OSBPL5: variants seen among roughly 807,000 people sequenced by gnomAD.
OSBPL5 encodes oxysterol binding protein like 5.
Under a neutral mutation model 111.2 loss-of-function variants are expected in OSBPL5, and 71 were observed. The ratio of observed to expected loss-of-function variants is 0.64; its 90% confidence interval spans 0.53 to 0.78. The LOEUF is 0.78. OSBPL5 is among the 30% of genes least tolerant of loss of function. The pLI is 0.00. For missense variants in OSBPL5, 1,210 were observed against 1,189.3 expected, an observed-to-expected ratio of 1.02 and a Z score of -0.26; for synonymous variants, 549 against 513.9, an observed-to-expected ratio of 1.07 and a Z score of -0.93.
chr11:3,094,968 C>T (rs1231526761), intron 14 of OSBPL5: 1 of 152,146 alleles, frequency 6.6e-6, no homozygotes, highest in Non-Finnish European at 1.5e-5. Flanking sequence ...CCACCACCTC[C>T]ACCATCAAAA....
chr11:3,143,230 C>CA (rs879159430), intron 1 of OSBPL5, among the ~76,000 whole-genome samples: 1 of 28,688 alleles, frequency 3.5e-5, no homozygotes, highest in Non-Finnish European at 7.0e-5. Flanking sequence ...GAGGCAGGTG[C>CA]GGGGGGGGCA....
chr11:3,143,960 C>T (rs1409706465), intron 1 of OSBPL5, among the ~76,000 whole-genome samples: 2 of 152,170 alleles, frequency 1.3e-5, no homozygotes, highest in Admixed American at 6.5e-5. Context: ...ATGGGGTGGA[C>T]ACTGGGTTTG....
At position 3,115,856 on chromosome 11, in the gene OSBPL5, A is replaced by G. The variant is rs547872463; in HGVS notation, c.691+3691T>C. Among the ~76,000 whole-genome samples the G allele has an allele frequency of 2.0e-5, 3 of 148,336 alleles. No individual in the cohort carries two copies. The South Asian group carries it at 6.4e-4, about 32-fold the overall frequency. ...TGGAAAACTAAGTCTCCTGTCTCAA[A>G]GAATGAAGGCTTTTGCCTTTTTTTT... On this transcript the variant is annotated intron_variant, in intron 7 of 21. Coordinates refer to ENST00000263650, the MANE Select transcript of OSBPL5 (RefSeq NM_020896.4).
In OSBPL5 at chr11:3,161,970, G is replaced by C. The variant is rs928021891; in HGVS notation, c.-22+3246C>G. ...GCCAGACCCCTGTGAGCAAGGAGGG[G>C]AGAGGGAGGGGAGGGGAGGGGGAGA... On this transcript the variant is annotated intron_variant, in intron 1 of 21. Coordinates refer to ENST00000263650, the MANE Select transcript of OSBPL5 (RefSeq NM_020896.4). The surrounding 1 kb of genome is among the most constrained non-coding windows in gnomAD (Gnocchi z 8.0). Among the ~76,000 whole-genome samples the C allele has an allele frequency of 6.6e-6, 1 of 151,662 alleles. No individual in the cohort carries two copies. The highest frequency in any genetic ancestry group is 2.4e-5 in the African/African-American group (1 of 41,314).
chr11:3,144,478 C>G (rs1564858697), intron 1 of OSBPL5, among the ~76,000 whole-genome samples: 1 of 152,212 alleles, frequency 6.6e-6, no homozygotes, highest in South Asian at 2.1e-4. Context: ...TCACAGCCAG[C>G]AGCAAACCCG....
chr11:3,094,403 C>T lies in OSBPL5; in HGVS notation c.1622-69G>A, dbSNP rs114165059. ...CTGAGCCCCAGGCCCTGCTGAGTAC[C>T]GACCCAGCAGCACCGATCCCTGAGT... is the stretch of plus-strand genomic sequence containing the variant. On this transcript the variant is annotated intron_variant, in intron 14 of 21. Coordinates refer to ENST00000263650, the MANE Select transcript of OSBPL5 (RefSeq NM_020896.4). The T allele has an allele frequency of 1.0e-3, 1,293 of 1,266,384 alleles. 11 individuals are homozygous for T. In the African/African-American group the frequency reaches 0.019, roughly 18 times the overall value. The allele number at this position is 1,266,384 out of a possible 1,614,324, so 78.4% of individuals were successfully genotyped here.
chr11:3,112,075 ATGTG>A (rs137958534), intron 7 of OSBPL5, among the ~76,000 whole-genome samples: 3 of 137,002 alleles, frequency 2.2e-5, no homozygotes, highest in Non-Finnish European at 4.6e-5. Flanking sequence ...GTGTGTGTGC[ATGTG>A]TGTGTGCATG....
In OSBPL5 at chr11:3,154,406, C is replaced by T. The variant is rs953374352; in HGVS notation, c.-22+10810G>A. ...GCGTGTGGCACAGGCGGGGTGAGCC[C>T]GGAAGGGTGAGCATGCGCCTGCTGA... On this transcript the variant is annotated intron_variant, in intron 1 of 21. Coordinates refer to ENST00000263650, the MANE Select transcript of OSBPL5 (RefSeq NM_020896.4). This position sits in a 1 kb window ranked among gnomAD's most constrained non-coding sequence, Gnocchi z 4.9. Among the ~76,000 whole-genome samples the T allele has an allele frequency of 2.0e-5, 3 of 152,202 alleles. No individual in the cohort carries two copies. The highest frequency in any genetic ancestry group is 2.9e-5 in the Non-Finnish European group (2 of 68,028).
In OSBPL5 at chr11:3,121,427, C is replaced by T. The variant is rs1202672660; in HGVS notation, c.402+570G>A. Among the ~76,000 whole-genome samples, 3 of 152,078 alleles carry T rather than the reference C, an allele frequency of 2.0e-5. No individual in the cohort carries two copies. Among genetic ancestry groups the T allele is most frequent in the African/African-American group, 7.2e-5 (3 of 41,416 alleles). On this transcript the variant is annotated intron_variant, in intron 5 of 21. Transcript: ENST00000263650. This position sits in a 1 kb window ranked among gnomAD's most constrained non-coding sequence, Gnocchi z 4.3. ...TCTAAATACTCACTTTTGCACCTAA[C>T]TTTTGATTCATCATTTTGGTATGCG...
chr11:3,136,420 GAC>G (rs1329975403), intron 1 of OSBPL5, among the ~76,000 whole-genome samples: 1 of 152,274 alleles, frequency 6.6e-6, no homozygotes, highest in African/African-American at 2.4e-5. Context: ...GCCAGGGGCA[GAC>G]ACTGCCTCAG....
At chr11:3,088,921 G>A (rs1022291762) in intron 21 of OSBPL5, among the ~76,000 whole-genome samples, 1 of 151,286 alleles carries the variant, frequency 6.6e-6, no homozygotes, top group Non-Finnish European at 1.5e-5. Flanking sequence ...GAGTAGACGC[G>A]CTGTCCGAGC....
intron 1 of OSBPL5, among the ~76,000 whole-genome samples, chr11:3,134,297 C>T (rs945915952): frequency 1.3e-5 from 2 of 152,234 alleles, no homozygotes; most frequent in South Asian, 2.1e-4. Context: ...TGTAGCCATC[C>T]GCTGGCCACC....
At chr11:3,093,904 G>GTCA in intron 15 of OSBPL5, 69 bp from the exon 16 acceptor site, 1 of 1,525,234 alleles carries the variant, frequency 6.6e-7, no homozygotes, top group Non-Finnish European at 8.8e-7. Flanking sequence ...CATCCTCATG[G>GTCA]GGGCACGGAA....
chr11:3,120,354 A>G lies in OSBPL5; in HGVS notation c.606+67T>C, dbSNP rs1455072344. On this transcript the variant is annotated intron_variant, in intron 6 of 21. Coordinates refer to ENST00000263650, the MANE Select transcript of OSBPL5 (RefSeq NM_020896.4). ...CAGCTGGTTGGCTCCACCCTCCACC[A>G]GGGCCCTAGGAATGAGCCCCTTGGC... 4 of 1,537,304 alleles carry G rather than the reference A, an allele frequency of 2.6e-6. No homozygotes were observed. In the African/African-American group the frequency reaches 4.1e-5, roughly 16 times the overall value.
chr11:3,133,956 T>G (rs1590699942), intron 1 of OSBPL5, among the ~76,000 whole-genome samples: 4 of 140,626 alleles, frequency 2.8e-5, no homozygotes, highest in South Asian at 2.5e-4. Context: ...GAAGAGGGAG[T>G]GGCTGGGGAA....
chr11:3,142,572 A>G lies in OSBPL5; in HGVS notation c.-21-13403T>C, dbSNP rs1314202139. 6.6e-6 allele frequency among the ~76,000 whole-genome samples: 1 copy of G among 152,206 alleles called. No individual in the cohort carries two copies. The highest frequency in any genetic ancestry group is 2.4e-5 in the African/African-American group (1 of 41,458). On this transcript the variant is annotated intron_variant, in intron 1 of 21. Coordinates refer to ENST00000263650, the MANE Select transcript of OSBPL5 (RefSeq NM_020896.4). This position sits in a 1 kb window ranked among gnomAD's most constrained non-coding sequence, Gnocchi z 7.1. ...AGAATGAAACAGGAAAATGAAATGA[A>G]TGACTCCATCCTACAGGTCTGAGAG...
Position 3,107,183 on chromosome 11 carries a change from G to A in OSBPL5, c.1059+80C>T. 1.3e-6 allele frequency: 2 copies of A among 1,504,542 alleles called. No homozygotes were observed. The highest frequency in any genetic ancestry group is 1.8e-6 in the Non-Finnish European group (2 of 1,115,208). 93.2% of individuals were successfully genotyped at this position (1,504,542 alleles called of 1,614,324 possible). ...GGGCCCTGCGTGCTCCCCCTAGGAT[G>A]AGGCATGGCTACCTCTGCTTCCGGA... On this transcript the variant is annotated intron_variant, in intron 9 of 21. Transcript: ENST00000263650. The surrounding 1 kb of genome is among the most constrained non-coding windows in gnomAD (Gnocchi z 6.1).
intron 1 of OSBPL5, among the ~76,000 whole-genome samples, chr11:3,157,657 T>C (rs1846820292): frequency 6.6e-6 from 1 of 152,186 alleles, no homozygotes; most frequent in Admixed American, 6.5e-5. Flanking sequence ...CAGCAGCCCA[T>C]GGAGCAGAGA....
chr11:3,151,203 C>G lies in OSBPL5; in HGVS notation c.-22+14013G>C, dbSNP rs558971480. The stretch of plus-strand genomic sequence containing the variant: ...GGAAGAGGCAGGAAGAATCCTCCCC[C>G]AGAGCCTTCGGAGGGAGCGCAGCCC... On this transcript the variant is annotated intron_variant, in intron 1 of 21. Coordinates refer to ENST00000263650, the MANE Select transcript of OSBPL5 (RefSeq NM_020896.4). Among the ~76,000 whole-genome samples the G allele has an allele frequency of 1.5e-4, 23 of 152,296 alleles. 1 individual carries two copies. In the East Asian group the frequency reaches 1.9e-3, roughly 13 times the overall value.
Sources: gnomAD v4.1 joint callset for allele counts (sites outside exome capture counted in the v4.1 genomes callset) on GRCh38, gnomAD v4.1.1 for gene constraint, Gnocchi (gnomAD v3.1) non-coding constraint, MANE v1.5 for transcripts, NCBI Gene and HGNC (gene_info 2026-07-23, HGNC 2026-07-21) for gene names.